The following PTPRN2 variants were observed in gnomAD, a reference collection of about 807,000 sequenced individuals.
The protein encoded by PTPRN2 is receptor-type tyrosine-protein phosphatase N2.
PTPRN2 carries 74 observed loss-of-function variants against 118.8 expected under a neutral mutation model. The observed-to-expected ratio is 0.62, with a 90% CI of 0.52 to 0.76. The LOEUF is 0.76. Among genes scored for constraint, PTPRN2 ranks in the 30% least tolerant of loss-of-function variants. The pLI is 0.00. For synonymous variants in PTPRN2, 641 were observed against 608.0 expected (o/e 1.05, Z -0.80); for missense variants, 1,481 against 1,394.4 (o/e 1.06, Z -0.99).
chr7:158,371,809 A>G (rs1457997659), intron 2 of PTPRN2, among the ~76,000 whole-genome samples: 1 of 152,268 alleles, frequency 6.6e-6, no homozygotes, highest in Non-Finnish European at 1.5e-5. Flanking sequence ...AAATTACACC[A>G]CATTAAAGAT....
intron 11 of PTPRN2, among the ~76,000 whole-genome samples, chr7:157,975,929 T>C (rs1802711651): frequency 1.3e-5 from 2 of 152,098 alleles, no homozygotes; most frequent in African/African-American, 4.8e-5. Flanking sequence ...GAGATAGGCT[T>C]TGGACAAAGC....
chr7:157,596,073 C>T lies in PTPRN2; in HGVS notation c.2419-758G>A. Among the ~76,000 whole-genome samples, 1 of 152,256 alleles carries T rather than the reference C, an allele frequency of 6.6e-6. No homozygotes were observed. Among genetic ancestry groups the T allele is most frequent in the Non-Finnish European group, 1.5e-5 (1 of 68,042 alleles). ...GAGAACGAGCCTCTTGCTAGAGCCA[C>T]AGGGCTGGCTGGGGTGAGGCTGAGC... On this transcript the variant is annotated intron_variant, in intron 16 of 22. Transcript: ENST00000389418. The surrounding 1 kb of genome is among the most constrained non-coding windows in gnomAD (Gnocchi z 4.2).
intron 3 of PTPRN2, among the ~76,000 whole-genome samples, chr7:158,260,569 C>T (rs1797331193): frequency 1.3e-5 from 2 of 152,038 alleles, no homozygotes; most frequent in African/African-American, 4.8e-5. Flanking sequence ...CCCACAATAC[C>T]CCAAAACAAA....
At chr7:158,571,800 C>T (rs2129451547) in intron 1 of PTPRN2, among the ~76,000 whole-genome samples, 1 of 152,098 alleles carries the variant, frequency 6.6e-6, no homozygotes, top group South Asian at 2.1e-4. Flanking sequence ...CATTTCTTGG[C>T]AAAAATTAGG....
At chr7:158,564,336 T>C (rs763245962) in intron 1 of PTPRN2, among the ~76,000 whole-genome samples, 9 of 152,212 alleles carry the variant, frequency 5.9e-5, no homozygotes, top group Non-Finnish European at 1.2e-4. Context: ...TAAGGAAAAT[T>C]CCTAGAAGTG....
rs1006009602 is a variant in PTPRN2, at chr7:158,015,594, A to G, written c.1723+65704T>C. On this transcript the variant is annotated intron_variant, in intron 11 of 22. Transcript: ENST00000389418. This position sits in a 1 kb window ranked among gnomAD's most constrained non-coding sequence, Gnocchi z 4.2. ...CTGGAATCCACTTTCAGGGGAAAGC[A>G]GAGCCCTTTCTCTTTACTCACCAGC... Among the ~76,000 whole-genome samples the G allele has an allele frequency of 1.3e-5, 2 of 152,072 alleles. No homozygotes were observed. Among genetic ancestry groups the G allele is most frequent in the Non-Finnish European group, 2.9e-5 (2 of 68,012 alleles).
At chr7:158,232,667 CA>C (rs1012152489) in intron 3 of PTPRN2, among the ~76,000 whole-genome samples, 1 of 151,654 alleles carries the variant, frequency 6.6e-6, no homozygotes, top group Non-Finnish European at 1.5e-5. Context: ...GGCATAGACA[CA>C]AAAATCTTCA....
intron 4 of PTPRN2, among the ~76,000 whole-genome samples, chr7:158,196,241 T>C (rs1433522403): frequency 6.6e-6 from 1 of 152,156 alleles, no homozygotes; most frequent in African/African-American, 2.4e-5. Flanking sequence ...TCTCCAGGGC[T>C]CTCTGTGCAC....
intron 1 of PTPRN2, among the ~76,000 whole-genome samples, chr7:158,554,846 G>A (rs1449406956): frequency 1.3e-5 from 2 of 152,054 alleles, no homozygotes; most frequent in African/African-American, 4.8e-5. Context: ...AGCCATCTCT[G>A]CCCCAAACAG....
rs145528553 is a variant in PTPRN2 at position 157,757,254 on chromosome 7, T to C, written c.1789-74317A>G. On this transcript the variant is annotated intron_variant, in intron 12 of 22. Coordinates refer to ENST00000389418, the MANE Select transcript of PTPRN2 (RefSeq NM_002847.5). Reference sequence around the variant, plus strand: ...ATGGGTGAAGGCTGAGTCTGCACCGTGCAGGCAGAGACCGTCGAGGAACCC... The same window carrying C: ...ATGGGTGAAGGCTGAGTCTGCACCGCGCAGGCAGAGACCGTCGAGGAACCC... 8.0e-3 allele frequency among the ~76,000 whole-genome samples: 1,218 copies of C among 152,160 alleles called. 3 individuals are homozygous for C. The highest frequency in any genetic ancestry group is 0.014 in the Non-Finnish European group (925 of 68,006).
At chr7:157,946,284 A>C (rs1180909743) in intron 11 of PTPRN2, among the ~76,000 whole-genome samples, 2 of 151,112 alleles carry the variant, frequency 1.3e-5, no homozygotes, top group Non-Finnish European at 3.0e-5. Flanking sequence ...TTGAGAAGAC[A>C]CTAAAAAAAA....
In PTPRN2 at chr7:158,555,381, A is replaced by G. The variant is rs954955186; in HGVS notation, c.112+32177T>C. ...AGGTCCTTCTCCCTTCACAAGCAGC[A>G]TCCACGGCTCAGTGGTGCCCCTCGC... On this transcript the variant is annotated intron_variant, in intron 1 of 22. Transcript: ENST00000389418. The surrounding 1 kb of genome is among the most constrained non-coding windows in gnomAD (Gnocchi z 4.7). Among the ~76,000 whole-genome samples the G allele has an allele frequency of 6.6e-6, 1 of 152,104 alleles. No homozygotes were observed. Among genetic ancestry groups the G allele is most frequent in the South Asian group, 2.1e-4 (1 of 4,820 alleles).
chr7:158,455,707 C>G (rs76965482), intron 2 of PTPRN2, among the ~76,000 whole-genome samples: 15 of 139,584 alleles, frequency 1.1e-4, no homozygotes, highest in Non-Finnish European at 1.4e-4. Context: ...GAGAAGACAA[C>G]GGCATGGACG....
intron 2 of PTPRN2, among the ~76,000 whole-genome samples, chr7:158,348,870 T>A (rs528164029): frequency 6.6e-6 from 1 of 152,106 alleles, no homozygotes; most frequent in South Asian, 2.1e-4. Flanking sequence ...GTGGCCCACG[T>A]CACTGCACCC....
chr7:158,102,606 C>G (rs538540032), intron 10 of PTPRN2, among the ~76,000 whole-genome samples: 1 of 152,306 alleles, frequency 6.6e-6, no homozygotes, highest in Admixed American at 6.5e-5. Flanking sequence ...TGCAGAATCA[C>G]AGAGCATGCC....
chr7:157,830,215 T>C (rs1684596207), intron 12 of PTPRN2, among the ~76,000 whole-genome samples: 1 of 152,070 alleles, frequency 6.6e-6, no homozygotes, highest in African/African-American at 2.4e-5. Context: ...CTGGGGTCCC[T>C]GAATTCACAG....
chr7:158,155,215 G>T (rs532656965), intron 6 of PTPRN2, among the ~76,000 whole-genome samples: 2 of 152,308 alleles, frequency 1.3e-5, no homozygotes, highest in African/African-American at 4.8e-5. Flanking sequence ...CCACAGCCAG[G>T]CCTATTGAAA....
intron 13 of PTPRN2, among the ~76,000 whole-genome samples, chr7:157,666,974 C>T (rs1023640789): frequency 1.4e-5 from 2 of 146,380 alleles, no homozygotes; most frequent in East Asian, 2.1e-4. Flanking sequence ...CTTGCACGCT[C>T]AGCCTGTGGG....
At chr7:157,994,582 G>T (rs1260750091) in intron 11 of PTPRN2, among the ~76,000 whole-genome samples, 1 of 136,510 alleles carries the variant, frequency 7.3e-6, no homozygotes, top group Non-Finnish European at 1.6e-5. Context: ...ACAACTCCTT[G>T]TTCCTAAATC....
Sources: allele counts gnomAD v4.1 joint callset (sites outside exome capture counted in the v4.1 genomes callset), GRCh38; gene constraint gnomAD v4.1.1; non-coding constraint Gnocchi (gnomAD v3.1); transcripts MANE v1.5; gene names NCBI Gene and HGNC (gene_info 2026-07-23, HGNC 2026-07-21).